The following CCNF variants were observed in gnomAD, a reference collection of about 807,000 sequenced individuals.
CCNF encodes cyclin F.
A neutral mutation model predicts 85.4 loss-of-function variants in CCNF; 30 were observed. The observed-to-expected ratio is 0.35, with a 90% confidence interval of 0.26 to 0.48. The LOEUF (loss-of-function observed/expected upper bound fraction) is 0.48, where lower values mean the gene tolerates loss of function less well. Ranked by LOEUF, CCNF falls within the 20% of genes least tolerant of loss-of-function variation. The pLI, the probability that CCNF is intolerant of heterozygous loss-of-function variation, is 0.99. For missense variants in CCNF, 919 were observed against 1,010.4 expected (o/e 0.91, Z 1.23); for synonymous variants, 439 against 425.1 (o/e 1.03, Z -0.40).
rs1596935052 is a variant in CCNF at position 2,457,058 on chromosome 16, G to A, written c.*38G>A. 2 of 1,452,256 alleles carry A rather than the reference G, an allele frequency of 1.4e-6. No homozygotes were observed. Among genetic ancestry groups the A allele is most frequent in the East Asian group, 2.3e-5 (1 of 42,724 alleles). 90.0% of individuals were successfully genotyped at this position (1,452,256 alleles called of 1,614,324 possible). A position where few individuals can be genotyped will look rare whatever the true frequency, so the allele number is the denominator to read the frequency against. On this transcript the variant is annotated 3_prime_UTR_variant, in exon 17 of 17. Coordinates refer to ENST00000397066, the MANE Select transcript of CCNF (RefSeq NM_001761.3). ...ATTTGCCGCAGTGGATGTGTACTGA[G>A]GGGGCTGGAGGCGAAGGGTGGGAGC...
chr16:2,429,630 G>C, intron 1 of CCNF, 133 bp downstream of exon 1: 1 of 945,798 alleles, frequency 1.1e-6, no homozygotes, highest in Non-Finnish European at 1.4e-6. Context: ...TTTAACCCGG[G>C]GCGGATGTCG....
intron 2 of CCNF, among the ~76,000 whole-genome samples, chr16:2,431,521 A>T (rs1192706587): frequency 1.3e-5 from 2 of 151,808 alleles, no homozygotes; most frequent in Non-Finnish European, 2.9e-5. Context: ...CTCTACTAAA[A>T]ATACAAAAAT....
rs748943310 is a variant in CCNF, at chr16:2,437,249, C to T, written c.467C>T (p.Pro156Leu). The change falls in exon 5 of 17, where the codon CCG (proline) becomes CTG (leucine). Residue 156 changes from proline (P) to leucine (L), a missense_variant. Coordinates refer to ENST00000397066, the MANE Select transcript of CCNF (RefSeq NM_001761.3). ...APFIWLFIRPPWSVSGSCCKA... is the reference protein window; with the variant it reads ...APFIWLFIRPLWSVSGSCCKA... ...TTCATCTGGCTCTTCATCCGCCCTCCGTGGTCGGTGAGCGGAAGCTGCTGC... is the reference window on the plus strand; with the variant it reads ...TTCATCTGGCTCTTCATCCGCCCTCTGTGGTCGGTGAGCGGAAGCTGCTGC... 14 of 1,611,772 alleles carry T rather than the reference C, an allele frequency of 8.7e-6. No individual in the cohort carries two copies. The highest frequency in any genetic ancestry group is 1.3e-5 in the African/African-American group (1 of 74,918).
Position 2,456,464 on chromosome 16 carries a change from C to T in CCNF, c.1886-81C>T. The T allele has an allele frequency of 1.0e-6, 1 of 979,872 alleles. No individual in the cohort carries two copies. The highest frequency in any genetic ancestry group is 1.5e-6 in the Non-Finnish European group (1 of 684,500). The allele number at this position is 979,872 out of a possible 1,614,324, so 60.7% of individuals were successfully genotyped here. A position where few individuals can be genotyped will look rare whatever the true frequency, so the allele number is the denominator to read the frequency against. On this transcript the variant is annotated intron_variant, in intron 16 of 16. Coordinates refer to ENST00000397066, the MANE Select transcript of CCNF (RefSeq NM_001761.3). This position sits in a 1 kb window ranked among gnomAD's most constrained non-coding sequence, Gnocchi z 4.5. Reference sequence around the variant, plus strand: ...CAAGGTAGAAGATTCTTGACCTGGACTTCAGGGTCCTGACCTGGCAGGGGG... The same window carrying T: ...CAAGGTAGAAGATTCTTGACCTGGATTTCAGGGTCCTGACCTGGCAGGGGG...
At chr16:2,444,650 G>A (rs2065351836) in intron 9 of CCNF, among the ~76,000 whole-genome samples, 3 of 151,704 alleles carry the variant, frequency 2.0e-5, no homozygotes, top group Admixed American at 2.0e-4. Flanking sequence ...AGGCCAGAGT[G>A]CAGTGGCATG....
chr16:2,433,139 C>T (rs748118739), intron 3 of CCNF, 72 bp downstream of exon 3: 16 of 923,272 alleles, frequency 1.7e-5, no homozygotes, highest in East Asian at 5.2e-5. Flanking sequence ...CTGTGTCTCA[C>T]GGCCTGATTC....
intron 13 of CCNF, among the ~76,000 whole-genome samples, chr16:2,450,336 T>A (rs1399559053): frequency 1.8e-4 from 12 of 65,896 alleles, no homozygotes; most frequent in Non-Finnish European, 2.3e-4. Context: ...CTGTCTCTAC[T>A]AAAAAAAAAA....
In CCNF at chr16:2,455,566, T is replaced by G. The variant is rs1339184708; in HGVS notation, c.1885+2T>G. ...GTGAGGGCGAGAAGGAGGGCGACGG[T>G]GAGTGTGGGGCCAGGGTGCACCAGA... On this transcript the variant is annotated splice_donor_variant, in intron 16 of 16. Coordinates refer to ENST00000397066, the MANE Select transcript of CCNF (RefSeq NM_001761.3). LOFTEE classifies it high-confidence loss of function. 1 of 1,591,392 alleles carries G rather than the reference T, an allele frequency of 6.3e-7. No homozygotes were observed. The highest frequency in any genetic ancestry group is 1.1e-5 in the South Asian group (1 of 90,102).
intron 10 of CCNF, among the ~76,000 whole-genome samples, chr16:2,446,348 C>A (rs1019173708): frequency 6.6e-6 from 1 of 152,228 alleles, no homozygotes; most frequent in African/African-American, 2.4e-5. Context: ...GTTTCCTACA[C>A]TCTTGGAGTT....
chr16:2,448,776 C>T, intron 10 of CCNF, 79 bp from the exon 11 acceptor site: 1 of 1,386,974 alleles, frequency 7.2e-7, no homozygotes, highest in East Asian at 2.3e-5. Context: ...CTTGAGGCCT[C>T]CTAAAGCCTT....
chr16:2,440,198 C>T (rs143849552), intron 8 of CCNF, among the ~76,000 whole-genome samples: 22 of 152,268 alleles, frequency 1.4e-4, no homozygotes, highest in African/African-American at 4.8e-4. Context: ...AGCAGAGGGG[C>T]GTGGAGAGTC....
intron 10 of CCNF, among the ~76,000 whole-genome samples, chr16:2,448,644 C>G (rs2065374863): frequency 6.6e-6 from 1 of 152,180 alleles, no homozygotes; most frequent in Non-Finnish European, 1.5e-5. Context: ...GAACTCCTGG[C>G]TGAGCTGTCC....
At position 2,435,594 on chromosome 16, in the gene CCNF, GAGATAT is replaced by G. The variant is rs112322351; in HGVS notation, c.279-210_279-205del. Among the ~76,000 whole-genome samples the G allele has an allele frequency of 1.0e-3, 59 of 56,414 alleles. 3 individuals are homozygous for G. Among genetic ancestry groups the G allele is most frequent in the African/African-American group, 8.3e-3 (52 of 6,258 alleles). 37.0% of individuals were successfully genotyped at this position (56,414 alleles called of 152,430 possible). On this transcript the variant is annotated intron_variant, in intron 3 of 16. Transcript: ENST00000397066. ...AGCAAGACCCTGTCTCAGAGAGAGA[GAGATAT>G]ATATATATATATGCACACACACACA...
In CCNF at chr16:2,456,557, G is replaced by A; in HGVS notation, c.1898G>A (p.Ser633Asn). 1 of 1,540,686 alleles carries A rather than the reference G, an allele frequency of 6.5e-7. No homozygotes were observed. The highest frequency in any genetic ancestry group is 8.7e-7 in the Non-Finnish European group (1 of 1,144,188). Residue 633 changes from serine (S) to asparagine (N), a missense_variant, in exon 17 of 17, where the codon AGC (serine) becomes AAC (asparagine). Ser to Asn is a conservative substitution (Grantham distance 46). This residue lies in a region of CCNF where 505 missense variants were observed against 514.8 expected (regional missense o/e 0.98). Transcript: ENST00000397066. The surrounding 1 kb of genome is among the most constrained non-coding windows in gnomAD (Gnocchi z 4.5). ...GEKEGDVTAP[S>N]GILDVTVVYL... is the part of the protein sequence containing the mutation. ...AACCTTCCTGCAGTGACAGCTCCCA[G>A]CGGCATCCTCGATGTCACCGTGGTC...
chr16:2,456,145 T>G lies in CCNF; in HGVS notation c.1886-400T>G. On this transcript the variant is annotated intron_variant, in intron 16 of 16. Transcript: ENST00000397066. The surrounding 1 kb of genome is among the most constrained non-coding windows in gnomAD (Gnocchi z 4.5). The stretch of plus-strand genomic sequence containing the variant: ...CACTGCACTGTAGCCTGGGCGTTCT[T>G]TCTAGAATGTTGTTTGAGGTGTGCC... 5.5e-6 allele frequency: 1 copy of G among 180,826 alleles called. No individual in the cohort carries two copies. Among genetic ancestry groups the G allele is most frequent in the Admixed American group, 5.6e-5 (1 of 17,842 alleles). The allele number at this position is 180,826 out of a possible 1,614,324, so 11.2% of individuals were successfully genotyped here.
chr16:2,440,062 T>C (rs1358567696), intron 8 of CCNF, among the ~76,000 whole-genome samples: 2 of 152,250 alleles, frequency 1.3e-5, no homozygotes, highest in Non-Finnish European at 2.9e-5. Flanking sequence ...CTCTTGCCTC[T>C]CAGCCAGCCA....
Position 2,431,394 on chromosome 16 carries a change from A to T in CCNF, c.171+110A>T, listed in dbSNP as rs2065261665. ...CTTTGGCTAAAAAAGAGGTTGGGGC[A>T]GAGGCCAGGCACGGTGGCTCATGCC... On this transcript the variant is annotated intron_variant, in intron 2 of 16. Transcript: ENST00000397066. 6 of 1,212,522 alleles carry T rather than the reference A, an allele frequency of 4.9e-6. No homozygotes were observed. In the Admixed American group the frequency reaches 1.3e-4, roughly 25 times the overall value. The allele number at this position is 1,212,522 out of a possible 1,614,324, so 75.1% of individuals were successfully genotyped here.
intron 1 of CCNF, 93 bp downstream of exon 1, chr16:2,429,590 TG>T: frequency 8.7e-7 from 1 of 1,149,796 alleles, no homozygotes; most frequent in Non-Finnish European, 1.1e-6. Context: ...GGGGAGGCCC[TG>T]GCGGCCTGAA....
chr16:2,436,101 C>G (rs1041568772), intron 4 of CCNF: 1 of 450,748 alleles, frequency 2.2e-6, no homozygotes, highest in Non-Finnish European at 4.0e-6. Flanking sequence ...TTTTAGCAAA[C>G]CCTTTAATTT....
Sources: gnomAD v4.1 joint callset for allele counts (sites outside exome capture counted in the v4.1 genomes callset) on GRCh38, gnomAD v4.1.1 for gene constraint, gnomAD v4.1.1 regional missense constraint, Gnocchi (gnomAD v3.1) non-coding constraint, MANE v1.5 for transcripts, NCBI Gene and HGNC (gene_info 2026-07-23, HGNC 2026-07-21) for gene names.